The following NSL1 variants were observed in gnomAD, a reference collection of about 807,000 sequenced individuals.
NSL1 encodes NSL1 component of MIS12 kinetochore complex, also known as kinetochore-associated protein NSL1 homolog.
NSL1 carries 11 observed loss-of-function variants against 25.4 expected under a neutral mutation model. The ratio of observed to expected loss-of-function variants is 0.43; its 90% CI spans 0.27 to 0.72. NSL1 has a LOEUF of 0.72. Ranked by LOEUF, NSL1 falls within the 30% of genes least tolerant of loss-of-function variation. The pLI is 0.19. For missense variants in NSL1, 330 were observed against 342.7 expected, an observed-to-expected ratio of 0.96 and a Z score of 0.29; for synonymous variants, 118 against 120.6, an observed-to-expected ratio of 0.98 and a Z score of 0.14.
intron 4 of NSL1, among the ~76,000 whole-genome samples, chr1:212,759,614 G>A (rs1447880310): frequency 1.3e-5 from 2 of 151,964 alleles, no homozygotes; most frequent in South Asian, 2.1e-4. Context: ...CCAAGACACC[G>A]CAGCATAGCA....
Position 212,731,609 on chromosome 1 carries a change from C to T in NSL1, c.*6799G>A. On this transcript the variant is annotated 3_prime_UTR_variant, in exon 6 of 6. Coordinates refer to ENST00000366977, the MANE Select transcript of NSL1 (RefSeq NM_015471.4). ...ATTATCAGTCCCTGGCCCAGTTCCC[C>T]CACCTAAGTTCATCCACAGAGTTAA... 1 of 985,440 alleles carries T rather than the reference C, an allele frequency of 1.0e-6. No homozygotes were observed. Among genetic ancestry groups the T allele is most frequent in the Non-Finnish European group, 1.2e-6 (1 of 829,938 alleles). 61.0% of individuals were successfully genotyped at this position (985,440 alleles called of 1,614,324 possible). A position where few individuals can be genotyped will look rare whatever the true frequency, so the allele number is the denominator to read the frequency against.
intron 2 of NSL1, among the ~76,000 whole-genome samples, chr1:212,784,954 G>A (rs1660882250): frequency 6.6e-6 from 1 of 152,176 alleles, no homozygotes; most frequent in South Asian, 2.1e-4. Context: ...AAAGGAATAG[G>A]GAGAAGCATT....
rs182057956 is a variant in NSL1 at position 212,791,083 on chromosome 1, T to G, written c.234+447A>C. Among the ~76,000 whole-genome samples, 59 of 152,320 alleles carry G rather than the reference T, an allele frequency of 3.9e-4. No homozygotes were observed. The South Asian group carries it at 5.4e-3, about 14-fold the overall frequency. On this transcript the variant is annotated intron_variant, in intron 1 of 5. Coordinates refer to ENST00000366977, the MANE Select transcript of NSL1 (RefSeq NM_015471.4). ...CCAACAGGTGAGCCACTAGCCACTT[T>G]GTAGTTACTGAGCGCTTAAATGTAA...
intron 4 of NSL1, among the ~76,000 whole-genome samples, chr1:212,756,385 C>CAGGT (rs1659310299): frequency 6.6e-6 from 1 of 152,184 alleles, no homozygotes; most frequent in African/African-American, 2.4e-5. Context: ...GCTGGGCTTA[C>CAGGT]AGGTGTGAGC....
rs1386204295 is a variant in NSL1, at chr1:212,728,050, C to A, written c.*10358G>T. The A allele has an allele frequency of 2.0e-6, 2 of 985,394 alleles. No homozygotes were observed. The highest frequency in any genetic ancestry group is 1.2e-6 in the Non-Finnish European group (1 of 829,920). 61.0% of individuals were successfully genotyped at this position (985,394 alleles called of 1,614,324 possible). A position where few individuals can be genotyped will look rare whatever the true frequency, so the allele number is the denominator to read the frequency against. ...GCTCTGCTCTACATGGTCTATAGAC[C>A]GCTGGGAAGGTGGCCAGGCACTTCC... On this transcript the variant is annotated 3_prime_UTR_variant, in exon 6 of 6. Coordinates refer to ENST00000366977, the MANE Select transcript of NSL1 (RefSeq NM_015471.4).
intron 1 of NSL1, among the ~76,000 whole-genome samples, chr1:212,790,780 G>A (rs908397987): frequency 2.4e-4 from 36 of 151,940 alleles, no homozygotes; most frequent in Non-Finnish European, 7.4e-5. Context: ...AAAATTAGCC[G>A]GGCGTGGTGG....
chr1:212,745,181 T>A (rs540497499), intron 4 of NSL1, among the ~76,000 whole-genome samples: 210 of 23,060 alleles, frequency 9.1e-3, no homozygotes, highest in East Asian at 0.035. Flanking sequence ...TATATATATA[T>A]ATATATATAT....
chr1:212,729,366 G>A lies in NSL1; in HGVS notation c.*9042C>T. The A allele has an allele frequency of 1.0e-6, 1 of 980,994 alleles. No homozygotes were observed. The highest frequency in any genetic ancestry group is 1.2e-6 in the Non-Finnish European group (1 of 825,960). 60.8% of individuals were successfully genotyped at this position (980,994 alleles called of 1,614,324 possible). A position where few individuals can be genotyped will look rare whatever the true frequency, so the allele number is the denominator to read the frequency against. On this transcript the variant is annotated 3_prime_UTR_variant, in exon 6 of 6. Transcript: ENST00000366977. ...GGCAGGGTCTGTGCCTTGGTTTACAGGTGTACATCCACACAGCTCTTAGCA... is the reference window on the plus strand; with the variant it reads ...GGCAGGGTCTGTGCCTTGGTTTACAAGTGTACATCCACACAGCTCTTAGCA...
chr1:212,727,303 C>T lies in NSL1; in HGVS notation c.*11105G>A. On this transcript the variant is annotated 3_prime_UTR_variant, in exon 6 of 6. Coordinates refer to ENST00000366977, the MANE Select transcript of NSL1 (RefSeq NM_015471.4). ...ACAACCCTTTGTTCCAGGCAGGGCC[C>T]AGGATCCCCTTCCAAATTACTGAGG... The T allele has an allele frequency of 7.7e-7, 1 of 1,300,236 alleles. No homozygotes were observed. The highest frequency in any genetic ancestry group is 9.8e-7 in the Non-Finnish European group (1 of 1,021,096). The allele number at this position is 1,300,236 out of a possible 1,614,324, so 80.5% of individuals were successfully genotyped here.
intron 4 of NSL1, among the ~76,000 whole-genome samples, chr1:212,768,101 C>A (rs112073519): frequency 0.023 from 3,464 of 152,228 alleles, 63 homozygotes; most frequent in South Asian, 0.041. Flanking sequence ...GGGTAGATTA[C>A]CTGAGGTCAG....
In NSL1 at chr1:212,730,440, G is replaced by C; in HGVS notation, c.*7968C>G. The C allele has an allele frequency of 2.0e-6, 2 of 985,244 alleles. 1 individual carries two copies. The highest frequency in any genetic ancestry group is 2.4e-6 in the Non-Finnish European group (2 of 829,886). 61.0% of individuals were successfully genotyped at this position (985,244 alleles called of 1,614,324 possible). A position where few individuals can be genotyped will look rare whatever the true frequency, so the allele number is the denominator to read the frequency against. ...GGCACCAAGGGAGGTCTTAAAATCTGCAACTAGGTATGAGCCCAAAGGCAC... is the reference window on the plus strand; with the variant it reads ...GGCACCAAGGGAGGTCTTAAAATCTCCAACTAGGTATGAGCCCAAAGGCAC... On this transcript the variant is annotated 3_prime_UTR_variant, in exon 6 of 6. Transcript: ENST00000366977.
chr1:212,765,909 G>A (rs1659784427), intron 4 of NSL1, among the ~76,000 whole-genome samples: 1 of 151,992 alleles, frequency 6.6e-6, no homozygotes, highest in African/African-American at 2.4e-5. Flanking sequence ...GGCCAAGGTG[G>A]GTGGATCACG....
At chr1:212,784,950 A>G (rs79160248) in intron 2 of NSL1, among the ~76,000 whole-genome samples, 3,466 of 152,340 alleles carry the variant, frequency 0.023, 62 homozygotes, top group South Asian at 0.041. Context: ...GAAAAAAGGA[A>G]TAGGGAGAAG....
chr1:212,791,713 C>T lies in NSL1; in HGVS notation c.51G>A (p.Glu17=). The change falls in exon 1 of 6, where the codon GAG becomes GAA. Residue 17 remains glutamate, a synonymous_variant. Transcript: ENST00000366977. ...CCTGGCTCTCTGTGCCAGCCGCGAG[C>T]TCCTTGTCCCATGGAGGGTCAAGGA... The part of the protein sequence containing the change: ...LVVLDPPWDK[E]LAAGTESQAL... 3 of 1,613,868 alleles carry T rather than the reference C, an allele frequency of 1.9e-6. No individual in the cohort carries two copies. The highest frequency in any genetic ancestry group is 1.1e-5 in the South Asian group (1 of 91,060).
intron 4 of NSL1, among the ~76,000 whole-genome samples, chr1:212,773,236 G>T (rs1357650348): frequency 6.6e-6 from 1 of 152,050 alleles, no homozygotes; most frequent in Non-Finnish European, 1.5e-5. Context: ...AATCAACAGA[G>T]TAATGAGACA....
At chr1:212,789,245 CTT>C (rs940234028) in intron 1 of NSL1, among the ~76,000 whole-genome samples, 2 of 152,040 alleles carry the variant, frequency 1.3e-5, no homozygotes, top group African/African-American at 4.8e-5. Context: ...GAGTTTCACT[CTT>C]GTCAACCAGG....
Position 212,737,083 on chromosome 1 carries a change from C to T in NSL1, c.*1325G>A, listed in dbSNP as rs115135830. 1,570 of 985,376 alleles carry T rather than the reference C, an allele frequency of 1.6e-3. 23 individuals are homozygous for T. In the African/African-American group the frequency reaches 0.024, roughly 15 times the overall value. 61.0% of individuals were successfully genotyped at this position (985,376 alleles called of 1,614,324 possible). ...AACTGAAGTCTAGTATGTTCAGAAA[C>T]GCAGGGTGCTGACCCACCATCCAAC... On this transcript the variant is annotated 3_prime_UTR_variant, in exon 6 of 6. Transcript: ENST00000366977.
At chr1:212,784,616 G>T (rs549351785) in intron 2 of NSL1, 123 bp from the exon 3 acceptor site, 4 of 530,812 alleles carry the variant, frequency 7.5e-6, no homozygotes, top group South Asian at 7.0e-5. Flanking sequence ...AACAAATATG[G>T]CAAGTTAATG....
rs1017427197 is a variant in NSL1 at position 212,735,023 on chromosome 1, C to T, written c.*3385G>A. Among the ~76,000 whole-genome samples the T allele has an allele frequency of 5.3e-5, 8 of 152,198 alleles. No homozygotes were observed. The highest frequency in any genetic ancestry group is 9.7e-5 in the African/African-American group (4 of 41,448). ...TGAACTCATTTACTTCTCAGAATAA[C>T]GCTATGAGGTAGGCATAATTATTAT... On this transcript the variant is annotated 3_prime_UTR_variant, in exon 6 of 6. Coordinates refer to ENST00000366977, the MANE Select transcript of NSL1 (RefSeq NM_015471.4).
Sources: gnomAD v4.1 joint callset for allele counts (sites outside exome capture counted in the v4.1 genomes callset) on GRCh38, gnomAD v4.1.1 for gene constraint, MANE v1.5 for transcripts, NCBI Gene and HGNC (gene_info 2026-07-23, HGNC 2026-07-21) for gene names.